TRDN: variants seen among roughly 807,000 people sequenced by gnomAD.
TRDN encodes the protein triadin, also known as triadin in skeletal muscle.
In TRDN, 161 loss-of-function variants were observed where a neutral mutation model predicts 149.7. The ratio of observed to expected loss-of-function variants is 1.08; its 90% CI spans 0.95 to 1.23. The LOEUF (loss-of-function observed/expected upper bound fraction) is 1.23. Ranked by LOEUF, TRDN falls within the 50% of genes most tolerant of loss-of-function variation. The probability of loss-of-function intolerance (pLI) is 0.00; values close to 1 mark genes in which losing one functional copy is unlikely to be tolerated. For synonymous variants in TRDN, 294 were observed against 250.5 expected (o/e 1.17, Z -1.64); for missense variants, 896 against 823.5 (o/e 1.09, Z -1.08).
intron 8 of TRDN, chr6:123,498,742 T>C (rs1778556897): frequency 5.0e-6 from 2 of 396,466 alleles, no homozygotes; most frequent in Admixed American, 6.0e-5. Flanking sequence ...ACTGGCAATT[T>C]GACTCTAAGA....
At chr6:123,274,332 T>C (rs1176650783) in intron 27 of TRDN, among the ~76,000 whole-genome samples, 1 of 152,128 alleles carries the variant, frequency 6.6e-6, no homozygotes, top group South Asian at 2.1e-4. Flanking sequence ...ACCAGAATTA[T>C]GAAAATAAAG....
chr6:123,255,722 T>G lies in TRDN; in HGVS notation c.1906+145A>C, dbSNP rs538354213. ...CAATCATTTTTATTGTGTTTTTTAC[T>G]TACCATATTTCTTCTTTTACTCAGG... is the stretch of plus-strand genomic sequence containing the variant. On this transcript the variant is annotated intron_variant, in intron 36 of 40. Transcript: ENST00000334268. 15 of 386,498 alleles carry G rather than the reference T, an allele frequency of 3.9e-5. No homozygotes were observed. The South Asian group carries it at 8.7e-4, about 22-fold the overall frequency. The allele number at this position is 386,498 out of a possible 1,614,324, so 23.9% of individuals were successfully genotyped here.
rs558484428 is a variant in TRDN, at chr6:123,502,515, T to A, written c.793+1204A>T. ...AAAATATATATTTTTAAAATATGTA[T>A]CTTTTGTCATATAAATCAGAGTTGA... On this transcript the variant is annotated intron_variant, in intron 8 of 40. Coordinates refer to ENST00000334268, the MANE Select transcript of TRDN (RefSeq NM_006073.4). 3.2e-6 allele frequency: 3 copies of A among 946,902 alleles called. No homozygotes were observed. In the South Asian group the frequency reaches 1.5e-4, roughly 46 times the overall value. The allele number at this position is 946,902 out of a possible 1,614,324, so 58.7% of individuals were successfully genotyped here.
intron 32 of TRDN, among the ~76,000 whole-genome samples, chr6:123,266,155 A>C (rs1343734906): frequency 9.6e-6 from 1 of 104,092 alleles, no homozygotes; most frequent in Non-Finnish European, 1.8e-5. Flanking sequence ...TATATTATAT[A>C]TATTATAATA....
chr6:123,594,572 T>G (rs181208031), intron 1 of TRDN, among the ~76,000 whole-genome samples: 91 of 152,152 alleles, frequency 6.0e-4, no homozygotes, highest in Middle Eastern at 3.4e-3. Context: ...AAGAAAATTT[T>G]TATCTAATGA....
chr6:123,550,147 T>C (rs1781313224), intron 2 of TRDN, among the ~76,000 whole-genome samples: 1 of 151,940 alleles, frequency 6.6e-6, no homozygotes. Flanking sequence ...AGACAGAAGG[T>C]ATCAAAGCCA....
intron 13 of TRDN, among the ~76,000 whole-genome samples, chr6:123,392,881 A>T (rs1772551082): frequency 6.6e-6 from 1 of 152,206 alleles, no homozygotes; most frequent in Middle Eastern, 3.4e-3. Context: ...TCTACCCCTG[A>T]AAATTGTACC....
Position 123,301,770 on chromosome 6 carries a change from C to CATATATATATATATACACAT in TRDN, c.1510+14686_1510+14687insATGTGTATATATATATATAT, listed in dbSNP as rs1562252279. Among the ~76,000 whole-genome samples, 93 of 57,774 alleles carry CATATATATATATATACACAT rather than the reference C, an allele frequency of 1.6e-3. 1 individual carries two copies. The highest frequency in any genetic ancestry group is 3.6e-3 in the Non-Finnish European group (75 of 20,656). The allele number at this position is 57,774 out of a possible 152,430, so 37.9% of individuals were successfully genotyped here. On this transcript the variant is annotated intron_variant, in intron 24 of 40. Coordinates refer to ENST00000334268, the MANE Select transcript of TRDN (RefSeq NM_006073.4). The stretch of plus-strand genomic sequence containing the variant: ...ATATATACATATATATATATATATA[C>CATATATATATATATACACAT]ATATATATATATATATACATAAATG...
chr6:123,291,715 T>C (rs1367080251), intron 24 of TRDN, among the ~76,000 whole-genome samples: 1 of 152,220 alleles, frequency 6.6e-6, no homozygotes, highest in African/African-American at 2.4e-5. Context: ...AGAAAATTAT[T>C]TGTAAAAAAA....
chr6:123,229,291 T>G (rs1775504841), intron 38 of TRDN, among the ~76,000 whole-genome samples: 1 of 151,864 alleles, frequency 6.6e-6, no homozygotes, highest in Non-Finnish European at 1.5e-5. Context: ...GACACAAGGG[T>G]TCTTAAATAG....
chr6:123,591,127 A>G (rs1224979200), intron 1 of TRDN, among the ~76,000 whole-genome samples: 1 of 152,212 alleles, frequency 6.6e-6, no homozygotes, highest in Non-Finnish European at 1.5e-5. Context: ...AAACAAATCC[A>G]TAGAGTATTT....
At position 123,465,308 on chromosome 6, in the gene TRDN, G is replaced by A. The variant is rs1343640; in HGVS notation, c.854-325C>T. On this transcript the variant is annotated intron_variant, in intron 9 of 40. Transcript: ENST00000334268. Reference sequence around the variant, plus strand: ...AATTTATTTTTAATATACACACTAAGTTATGGAAACTAAAATCTCAGAAGC... The same window carrying A: ...AATTTATTTTTAATATACACACTAAATTATGGAAACTAAAATCTCAGAAGC... Among the ~76,000 whole-genome samples, 25,659 of 151,730 alleles carry A rather than the reference G, an allele frequency of 0.17. 2,337 individuals are homozygous for A. The highest frequency in any genetic ancestry group is 0.29 in the South Asian group (1,372 of 4,814).
At chr6:123,488,527 C>T (rs1778070751) in intron 9 of TRDN, among the ~76,000 whole-genome samples, 2 of 152,110 alleles carry the variant, frequency 1.3e-5, no homozygotes, top group South Asian at 4.1e-4. Context: ...TAATCTTTTA[C>T]TTTCCTATCT....
At chr6:123,316,064 A>T (rs1779010275) in intron 24 of TRDN, among the ~76,000 whole-genome samples, 1 of 151,938 alleles carries the variant, frequency 6.6e-6, no homozygotes, top group Non-Finnish European at 1.5e-5. Flanking sequence ...ATACAGGTTC[A>T]TAAAACTCAA....
At chr6:123,421,767 G>A (rs1214610414) in intron 12 of TRDN, 1 of 133,888 alleles carries the variant, frequency 7.5e-6, no homozygotes, top group Admixed American at 8.6e-5. Flanking sequence ...TTAGGAGTTT[G>A]ATACCAGCCT....
intron 23 of TRDN, among the ~76,000 whole-genome samples, chr6:123,328,105 T>C (rs1345566914): frequency 1.3e-5 from 2 of 152,232 alleles, no homozygotes; most frequent in East Asian, 1.9e-4. Flanking sequence ...TTCAAACATA[T>C]GGAAAGGCAT....
intron 2 of TRDN, among the ~76,000 whole-genome samples, chr6:123,566,702 CA>C (rs1283747590): frequency 6.6e-6 from 1 of 152,100 alleles, no homozygotes; most frequent in Non-Finnish European, 1.5e-5. Flanking sequence ...TCACATGGTA[CA>C]AAAGATTCAT....
chr6:123,357,897 C>T (rs1780744977), intron 20 of TRDN, among the ~76,000 whole-genome samples: 1 of 152,176 alleles, frequency 6.6e-6, no homozygotes, highest in Middle Eastern at 3.4e-3. Context: ...TTTTTTGTTG[C>T]TCAGAAAAGG....
intron 10 of TRDN, among the ~76,000 whole-genome samples, chr6:123,463,428 C>T (rs1189464775): frequency 2.0e-5 from 3 of 151,546 alleles, no homozygotes; most frequent in Non-Finnish European, 4.4e-5. Flanking sequence ...ACAAATGACA[C>T]ATCCTTTTCC....
Sources: allele counts gnomAD v4.1 joint callset (sites outside exome capture counted in the v4.1 genomes callset), GRCh38; gene constraint gnomAD v4.1.1; transcripts MANE v1.5; gene names NCBI Gene and HGNC (gene_info 2026-07-23, HGNC 2026-07-21).